NCAM2: variants seen among roughly 807,000 people sequenced by gnomAD.
NCAM2 encodes the protein N-CAM-2.
A neutral mutation model predicts 98.1 loss-of-function variants in NCAM2; 30 were observed. That is an observed-to-expected ratio of 0.31 (90% CI 0.23 to 0.41). The LOEUF (loss-of-function observed/expected upper bound fraction) is 0.41. Among genes scored for constraint, NCAM2 ranks in the 10% least tolerant of loss-of-function variants. The pLI is 1.00. For synonymous variants in NCAM2, 368 were observed against 342.4 expected (o/e 1.07, Z -0.83); for missense variants, 867 against 1,005.8 (o/e 0.86, Z 1.87).
intron 8 of NCAM2, among the ~76,000 whole-genome samples, chr21:21,363,450 A>T (rs964722345): frequency 2.6e-5 from 4 of 152,138 alleles, no homozygotes; most frequent in Non-Finnish European, 1.5e-5. Context: ...TCATACCTGC[A>T]TATCCCAACA....
chr21:21,467,428 T>TATATATATATATCTTTATATATATA lies in NCAM2; in HGVS notation c.1774+703_1774+704insATATATATATATCTTTATATATATA, dbSNP rs1555902035. On this transcript the variant is annotated intron_variant, in intron 13 of 17. Coordinates refer to ENST00000400546, the MANE Select transcript of NCAM2 (RefSeq NM_004540.5). ...TGTATATGTGTATATATATATCTTTTTATATATATATATATGTTAGGACAG... is the reference window on the plus strand; with the variant it reads ...TGTATATGTGTATATATATATCTTTTATATATATATATCTTTATATATATATATATATATATATATGTTAGGACAG... Among the ~76,000 whole-genome samples, 158 of 140,722 alleles carry TATATATATATATCTTTATATATATA rather than the reference T, an allele frequency of 1.1e-3. 1 individual carries two copies. Among genetic ancestry groups the TATATATATATATCTTTATATATATA allele is most frequent in the African/African-American group, 4.1e-3 (149 of 36,032 alleles). The allele number at this position is 140,722 out of a possible 152,430, so 92.3% of individuals were successfully genotyped here.
At chr21:21,406,545 G>A (rs2076741689) in intron 9 of NCAM2, among the ~76,000 whole-genome samples, 2 of 152,160 alleles carry the variant, frequency 1.3e-5, no homozygotes, top group East Asian at 1.9e-4. Flanking sequence ...TGATCAAAGA[G>A]GGTGTCTGTG....
rs80308341 is a variant in NCAM2, at chr21:21,060,570, A to G, written c.55+61952A>G. 7.5e-3 allele frequency among the ~76,000 whole-genome samples: 1,143 copies of G among 152,282 alleles called. 14 individuals are homozygous for G. Among genetic ancestry groups the G allele is most frequent in the African/African-American group, 0.025 (1,036 of 41,570 alleles). On this transcript the variant is annotated intron_variant, in intron 1 of 17. Transcript: ENST00000400546. ...CATATGGGAACATTAATAATACTTA[A>G]TGCTAATTAAAATTGTCTATTATGA...
intron 12 of NCAM2, among the ~76,000 whole-genome samples, chr21:21,446,147 A>G (rs1245975402): frequency 6.6e-6 from 1 of 152,044 alleles, no homozygotes; most frequent in Non-Finnish European, 1.5e-5. Context: ...TTTAAGAATG[A>G]TGAATATTGG....
At chr21:21,326,518 G>A (rs1476431846) in intron 6 of NCAM2, among the ~76,000 whole-genome samples, 1 of 152,090 alleles carries the variant, frequency 6.6e-6, no homozygotes, top group Non-Finnish European at 1.5e-5. Context: ...GGAAGTGTTA[G>A]CTGGCTTGGT....
At chr21:21,497,039 A>C (rs1261328932) in intron 15 of NCAM2, among the ~76,000 whole-genome samples, 1 of 152,162 alleles carries the variant, frequency 6.6e-6, no homozygotes, top group Non-Finnish European at 1.5e-5. Flanking sequence ...CATAAAAAAA[A>C]TGACATCATG....
At position 21,210,759 on chromosome 21, in the gene NCAM2, G is replaced by A; in HGVS notation, c.56-69819G>A. 5 of 701,578 alleles carry A rather than the reference G, an allele frequency of 7.1e-6. No individual in the cohort carries two copies. The South Asian group carries it at 7.6e-5, about 11-fold the overall frequency. 43.5% of individuals were successfully genotyped at this position (701,578 alleles called of 1,614,324 possible). ...TCAAAATGTCATTGAAAGGCAATGAGGTGGAGAACATCTTATTTACTAGAA... is the reference window on the plus strand; with the variant it reads ...TCAAAATGTCATTGAAAGGCAATGAAGTGGAGAACATCTTATTTACTAGAA... On this transcript the variant is annotated intron_variant, in intron 1 of 17. Transcript: ENST00000400546.
At chr21:21,186,895 AAATT>A (rs1466462243) in intron 1 of NCAM2, among the ~76,000 whole-genome samples, 1 of 152,160 alleles carries the variant, frequency 6.6e-6, no homozygotes, top group African/African-American at 2.4e-5. Flanking sequence ...AAAGATAATA[AAATT>A]TGGAAAGGGA....
intron 1 of NCAM2, among the ~76,000 whole-genome samples, chr21:21,020,528 C>T (rs974247602): frequency 6.6e-6 from 1 of 152,154 alleles, no homozygotes; most frequent in East Asian, 1.9e-4. Context: ...TCTGTACTAG[C>T]AGCATTTCAC....
chr21:21,245,541 A>T (rs1457288697), intron 1 of NCAM2, among the ~76,000 whole-genome samples: 1 of 152,154 alleles, frequency 6.6e-6, no homozygotes, highest in Non-Finnish European at 1.5e-5. Context: ...ACTCAGGAAG[A>T]TTGTCAGGAA....
intron 1 of NCAM2, among the ~76,000 whole-genome samples, chr21:21,073,753 C>T (rs1353199287): frequency 6.6e-6 from 1 of 152,176 alleles, no homozygotes; most frequent in East Asian, 1.9e-4. Flanking sequence ...GTTTTAGAAA[C>T]AGTCAATCAA....
intron 10 of NCAM2, among the ~76,000 whole-genome samples, chr21:21,417,722 T>C (rs2077021541): frequency 6.6e-6 from 1 of 152,034 alleles, no homozygotes; most frequent in Non-Finnish European, 1.5e-5. Flanking sequence ...ATTTCAAATG[T>C]TTAAGGATAG....
At chr21:21,082,134 A>G (rs974853682) in intron 1 of NCAM2, among the ~76,000 whole-genome samples, 2 of 148,916 alleles carry the variant, frequency 1.3e-5, no homozygotes, top group Non-Finnish European at 2.9e-5. Flanking sequence ...AGGCTGAGAC[A>G]GGAGAATCGC....
chr21:21,429,134 T>C (rs573083094), intron 11 of NCAM2, among the ~76,000 whole-genome samples: 405 of 151,952 alleles, frequency 2.7e-3, no homozygotes, highest in Non-Finnish European at 4.3e-3. Context: ...CAGTGGAAAA[T>C]AATATGAAAA....
intron 1 of NCAM2, among the ~76,000 whole-genome samples, chr21:21,274,006 A>G (rs1177302969): frequency 2.0e-5 from 3 of 151,416 alleles, no homozygotes; most frequent in Admixed American, 2.0e-4. Context: ...TCTCTACTAA[A>G]AATACAAAAT....
intron 1 of NCAM2, among the ~76,000 whole-genome samples, chr21:21,217,665 G>A (rs1721100543): frequency 1.3e-5 from 2 of 152,078 alleles, no homozygotes; most frequent in Admixed American, 1.3e-4. Flanking sequence ...AAACTAGAGA[G>A]GTTATTCTGG....
chr21:21,244,019 A>T (rs969975756), intron 1 of NCAM2, among the ~76,000 whole-genome samples: 1 of 152,166 alleles, frequency 6.6e-6, no homozygotes, highest in African/African-American at 2.4e-5. Context: ...AGCATGGGTA[A>T]ATTTTAAGAG....
At chr21:21,118,056 T>A (rs2066599176) in intron 1 of NCAM2, among the ~76,000 whole-genome samples, 1 of 152,190 alleles carries the variant, frequency 6.6e-6, no homozygotes, top group African/African-American at 2.4e-5. Flanking sequence ...TGGTGAATGC[T>A]AAATTGAAGA....
chr21:21,078,399 G>A (rs1885154972), intron 1 of NCAM2, among the ~76,000 whole-genome samples: 1 of 152,188 alleles, frequency 6.6e-6, no homozygotes, highest in South Asian at 2.1e-4. Context: ...TATTGGTGAT[G>A]TTCCTTTGGC....
Sources: gnomAD v4.1 joint callset for allele counts (sites outside exome capture counted in the v4.1 genomes callset) on GRCh38, gnomAD v4.1.1 for gene constraint, MANE v1.5 for transcripts, NCBI Gene and HGNC (gene_info 2026-07-23, HGNC 2026-07-21) for gene names.